The following LRRC8A variants were observed in gnomAD, a reference collection of about 807,000 sequenced individuals.
LRRC8A encodes the protein volume-regulated anion channel subunit LRRC8A.
In LRRC8A, 24 loss-of-function variants were observed where a neutral mutation model predicts 52.5. The ratio of observed to expected loss-of-function variants is 0.46; its 90% CI spans 0.33 to 0.64. LRRC8A has a LOEUF of 0.64. Ranked by LOEUF, LRRC8A falls within the 30% of genes least tolerant of loss-of-function variation. LRRC8A has a pLI of 0.02. For missense variants in LRRC8A, 677 were observed against 1,094.7 expected (o/e 0.62, Z 5.38); for synonymous variants, 492 against 494.2 (o/e 1.00, Z 0.06).
chr9:128,909,832 G>T (rs1052179254), intron 3 of LRRC8A, among the ~76,000 whole-genome samples: 1 of 152,244 alleles, frequency 6.6e-6, no homozygotes, highest in Non-Finnish European at 1.5e-5. Context: ...TGGCTGAGGG[G>T]AAGCCTTGGA....
chr9:128,908,400 G>T lies in LRRC8A; in HGVS notation c.1236G>T (p.Thr412=), dbSNP rs1329465906. The T allele has an allele frequency of 6.2e-7, 1 of 1,613,718 alleles. No individual in the cohort carries two copies. The highest frequency in any genetic ancestry group is 1.1e-5 in the South Asian group (1 of 91,084). Residue 412 remains threonine (T), a synonymous_variant, in exon 3 of 4, where the codon ACG becomes ACT. Transcript: ENST00000372600. ...LRQLNLNNEW[T]LDKLRQRLTK... is the part of the protein sequence containing the mutation. The stretch of plus-strand genomic sequence containing the variant: ...AGCTGAACCTCAACAACGAGTGGAC[G>T]CTGGACAAGCTCCGGCAGCGGCTCA...
At chr9:128,887,286 C>A (rs1030171722) in intron 2 of LRRC8A, among the ~76,000 whole-genome samples, 1 of 151,954 alleles carries the variant, frequency 6.6e-6, no homozygotes, top group Non-Finnish European at 1.5e-5. Flanking sequence ...AGCCTCCCAA[C>A]TAGCTGGGAC....
At position 128,911,687 on chromosome 9, in the gene LRRC8A, T is replaced by C. The variant is rs563860163; in HGVS notation, c.2157+2366T>C. Among the ~76,000 whole-genome samples the C allele has an allele frequency of 3.9e-5, 6 of 152,274 alleles. No homozygotes were observed. The East Asian group carries it at 1.2e-3, about 29-fold the overall frequency. On this transcript the variant is annotated intron_variant, in intron 3 of 3. Coordinates refer to ENST00000372600, the MANE Select transcript of LRRC8A (RefSeq NM_019594.4). This position sits in a 1 kb window ranked among gnomAD's most constrained non-coding sequence, Gnocchi z 4.9. ...CCGCCAAGCTTGCCTGTTAGTGTCATGCCTGCTGGCTGAGGTCACCCCTCA... is the reference window on the plus strand; with the variant it reads ...CCGCCAAGCTTGCCTGTTAGTGTCACGCCTGCTGGCTGAGGTCACCCCTCA...
At chr9:128,887,974 T>C (rs919844403) in intron 2 of LRRC8A, among the ~76,000 whole-genome samples, 3 of 152,138 alleles carry the variant, frequency 2.0e-5, no homozygotes, top group Non-Finnish European at 4.4e-5. Context: ...AAGAGGTAGA[T>C]AGAGCTGTGT....
Position 128,888,583 on chromosome 9 carries a change from T to G in LRRC8A, c.-9+2462T>G, listed in dbSNP as rs1175390641. Among the ~76,000 whole-genome samples, 7 of 152,202 alleles carry G rather than the reference T, an allele frequency of 4.6e-5. No individual in the cohort carries two copies. In the East Asian group the frequency reaches 1.4e-3, roughly 29 times the overall value. On this transcript the variant is annotated intron_variant, in intron 2 of 3. Transcript: ENST00000372600. ...TGAGGAGCAGGAGGAGGGCCCACCC[T>G]GCCACCTGGGTCCAAAGATGCTCTC...
At chr9:128,897,814 G>T (rs111914233) in intron 2 of LRRC8A, among the ~76,000 whole-genome samples, 23 of 152,036 alleles carry the variant, frequency 1.5e-4, no homozygotes, top group African/African-American at 5.6e-4. Flanking sequence ...AAAGTGCTGG[G>T]ATTACAGGCG....
rs35266233 is a variant in LRRC8A, at chr9:128,909,282, C to T, written c.2118C>T (p.Leu706=). 6.2e-7 allele frequency: 1 copy of T among 1,613,852 alleles called. No homozygotes were observed. The highest frequency in any genetic ancestry group is 2.2e-5 in the East Asian group (1 of 44,890). The change falls in exon 3 of 4, where the codon CTC becomes CTT. Residue 706 remains leucine, a synonymous_variant. Coordinates refer to ENST00000372600, the MANE Select transcript of LRRC8A (RefSeq NM_019594.4). The part of the protein sequence containing the change: ...NLTFLPADIG[L]LQNLQNLAIT... ...CCTTCCTCCCTGCCGACATCGGCCT[C>T]CTGCAGAACCTCCAGAACCTAGCCA...
At position 128,884,807 on chromosome 9, in the gene LRRC8A, A is replaced by G. The variant is rs187588192; in HGVS notation, c.-115-1208A>G. ...GTTGGCTTGGATGGCCTCCGTGCCT[A>G]TATAGCTGTAGGTACTTTACTGCCT... On this transcript the variant is annotated intron_variant, in intron 1 of 3. Transcript: ENST00000372600. Among the ~76,000 whole-genome samples the G allele has an allele frequency of 5.3e-5, 8 of 152,180 alleles. No homozygotes were observed. The South Asian group carries it at 6.2e-4, about 12-fold the overall frequency.
intron 1 of LRRC8A, among the ~76,000 whole-genome samples, chr9:128,884,599 C>T (rs1399193935): frequency 6.6e-6 from 1 of 152,140 alleles, no homozygotes; most frequent in Non-Finnish European, 1.5e-5. Context: ...AAGGAATTAG[C>T]TCTGGGTGGT....
At chr9:128,900,281 ACT>A (rs1162498658) in intron 2 of LRRC8A, among the ~76,000 whole-genome samples, 2 of 152,024 alleles carry the variant, frequency 1.3e-5, no homozygotes, top group Non-Finnish European at 2.9e-5. Flanking sequence ...TCTGGGAGAG[ACT>A]CTGAGTGTAT....
chr9:128,913,881 T>C (rs1194371534), intron 3 of LRRC8A, among the ~76,000 whole-genome samples: 2 of 152,198 alleles, frequency 1.3e-5, no homozygotes, highest in African/African-American at 2.4e-5. Flanking sequence ...CAGTGTAGGA[T>C]ACACAGGTTA....
Position 128,907,489 on chromosome 9 carries a change from G to A in LRRC8A, c.325G>A (p.Val109Met), listed in dbSNP as rs370697938. 7 of 1,613,950 alleles carry A rather than the reference G, an allele frequency of 4.3e-6. No homozygotes were observed. Among genetic ancestry groups the A allele is most frequent in the South Asian group, 1.1e-5 (1 of 91,086 alleles). The change falls in exon 3 of 4, where the codon GTG becomes ATG. Residue 109 changes from valine (V) to methionine (M), a missense_variant. This residue lies in a region of LRRC8A where 422 missense variants were observed against 741.5 expected (regional missense o/e 0.57). Coordinates refer to ENST00000372600, the MANE Select transcript of LRRC8A (RefSeq NM_019594.4). The surrounding 1 kb of genome is among the most constrained non-coding windows in gnomAD (Gnocchi z 9.3). ...YDLDRHQYNY[V>M]DAVCYENRLH... The stretch of plus-strand genomic sequence containing the variant: ...CCTGGACCGGCACCAGTACAACTAC[G>A]TGGACGCTGTGTGCTATGAGAACCG...
rs747779965 is a variant in LRRC8A at position 128,908,274 on chromosome 9, C to T, written c.1110C>T (p.Asn370=). 8.1e-6 allele frequency: 13 copies of T among 1,614,072 alleles called. No homozygotes were observed. The highest frequency in any genetic ancestry group is 4.4e-5 in the South Asian group (4 of 91,086). Residue 370 remains asparagine, a synonymous_variant, in exon 3 of 4, where the codon AAC becomes AAT. Transcript: ENST00000372600. The stretch of plus-strand genomic sequence containing the variant: ...ACAGCGACATCCCCGACGTCAAGAA[C>T]GACTTCGCCTTCATGCTGCACCTCA... ...SSYSDIPDVK[N]DFAFMLHLID...
intron 2 of LRRC8A, among the ~76,000 whole-genome samples, chr9:128,900,976 C>T (rs1840001666): frequency 6.6e-6 from 1 of 152,090 alleles, no homozygotes; most frequent in Non-Finnish European, 1.5e-5. Context: ...AGCTCGAGAC[C>T]AGCCTGACCA....
At position 128,908,220 on chromosome 9, in the gene LRRC8A, G is replaced by C; in HGVS notation, c.1056G>C (p.Ser352=). ...WMLRRSLKKY[S]FESIREESSY... ...TACGGCGCTCCCTCAAGAAGTACTC[G>C]TTTGAGTCGATCCGTGAGGAGAGCA... Residue 352 remains serine, a synonymous_variant, in exon 3 of 4, where the codon TCG becomes TCC. Coordinates refer to ENST00000372600, the MANE Select transcript of LRRC8A (RefSeq NM_019594.4). 1.2e-6 allele frequency: 2 copies of C among 1,614,086 alleles called. No individual in the cohort carries two copies. The highest frequency in any genetic ancestry group is 1.7e-6 in the Non-Finnish European group (2 of 1,180,026).
intron 1 of LRRC8A, among the ~76,000 whole-genome samples, chr9:128,883,466 G>A (rs1027703998): frequency 1.3e-5 from 2 of 152,228 alleles, no homozygotes; most frequent in African/African-American, 4.8e-5. Flanking sequence ...AGTGCTGATT[G>A]CTCAGTCTCA....
At chr9:128,909,562 A>G (rs1840412150) in intron 3 of LRRC8A, among the ~76,000 whole-genome samples, 1 of 152,234 alleles carries the variant, frequency 6.6e-6, no homozygotes, top group South Asian at 2.1e-4. Context: ...TTGCTCCAAA[A>G]TGTTGCAGTT....
At chr9:128,905,662 G>A (rs1840216997) in intron 2 of LRRC8A, among the ~76,000 whole-genome samples, 2 of 152,156 alleles carry the variant, frequency 1.3e-5, no homozygotes, top group African/African-American at 2.4e-5. Flanking sequence ...GGTCAACATC[G>A]TGAAACCTTG....
rs142063153 is a variant in LRRC8A at position 128,904,747 on chromosome 9, T to C, written c.-8-2410T>C. Among the ~76,000 whole-genome samples, 822 of 151,568 alleles carry C rather than the reference T, an allele frequency of 5.4e-3. 4 individuals carry two copies. The highest frequency in any genetic ancestry group is 0.015 in the African/African-American group (631 of 41,298). On this transcript the variant is annotated intron_variant, in intron 2 of 3. Transcript: ENST00000372600. ...TGGTGGTTCACACCTGTAATCCCAGTACTTTGGGAGGCCAAGGCGGGCGGA... is the reference window on the plus strand; with the variant it reads ...TGGTGGTTCACACCTGTAATCCCAGCACTTTGGGAGGCCAAGGCGGGCGGA...
Sources: gnomAD v4.1 joint callset for allele counts (sites outside exome capture counted in the v4.1 genomes callset) on GRCh38, gnomAD v4.1.1 for gene constraint, gnomAD v4.1.1 regional missense constraint, Gnocchi (gnomAD v3.1) non-coding constraint, MANE v1.5 for transcripts, NCBI Gene and HGNC (gene_info 2026-07-23, HGNC 2026-07-21) for gene names.